GRB10: variants seen among roughly 807,000 people sequenced by gnomAD.
The protein encoded by GRB10 is growth factor receptor bound protein 10, also known as growth factor receptor-bound protein 10.
GRB10 carries 20 observed loss-of-function variants against 80.9 expected under a neutral mutation model. The observed-to-expected ratio is 0.25, with a 90% confidence interval of 0.17 to 0.36. The LOEUF is 0.36. Among genes scored for constraint, GRB10 ranks in the 10% least tolerant of loss-of-function variants. GRB10 has a pLI of 1.00. For missense variants in GRB10, 548 were observed against 747.7 expected (o/e 0.73, Z 3.12); for synonymous variants, 291 against 291.5 (o/e 1.00, Z 0.02).
intron 4 of GRB10, among the ~76,000 whole-genome samples, chr7:50,712,668 C>G (rs1162071231): frequency 1.3e-5 from 2 of 152,242 alleles, no homozygotes; most frequent in African/African-American, 2.4e-5. Flanking sequence ...TTCCACATAA[C>G]TACCTCCAAG....
chr7:50,752,084 A>G (rs2074201588), intron 3 of GRB10, among the ~76,000 whole-genome samples: 1 of 152,222 alleles, frequency 6.6e-6, no homozygotes, highest in Non-Finnish European at 1.5e-5. Flanking sequence ...AGTGGGGAGA[A>G]GCTCATACAA....
At chr7:50,617,539 A>T (rs1205764390) in intron 10 of GRB10, among the ~76,000 whole-genome samples, 1 of 152,184 alleles carries the variant, frequency 6.6e-6, no homozygotes, top group Non-Finnish European at 1.5e-5. Flanking sequence ...GGAGGTGGGG[A>T]GAGACCAGGT....
chr7:50,678,040 T>C (rs1586771917), intron 5 of GRB10, among the ~76,000 whole-genome samples: 3 of 152,330 alleles, frequency 2.0e-5, no homozygotes, highest in Admixed American at 2.0e-4. Flanking sequence ...TGTGCAGTTA[T>C]TTCTCTCTAT....
intron 5 of GRB10, among the ~76,000 whole-genome samples, chr7:50,693,014 C>CA (rs776129543): frequency 1.3e-5 from 2 of 152,130 alleles, no homozygotes; most frequent in Non-Finnish European, 2.9e-5. Flanking sequence ...GCACAGGCCT[C>CA]AAAGTCATCA....
At chr7:50,627,565 T>C (rs565030561) in intron 7 of GRB10, among the ~76,000 whole-genome samples, 1 of 152,216 alleles carries the variant, frequency 6.6e-6, no homozygotes, top group South Asian at 2.1e-4. Context: ...AGTCACAAGA[T>C]TCTTTAGCCC....
upstream of GRB10, among the ~76,000 whole-genome samples, chr7:50,783,384 A>T (rs1383691579): frequency 6.6e-6 from 1 of 151,910 alleles, no homozygotes; most frequent in Non-Finnish European, 1.5e-5. Flanking sequence ...ATACATACCA[A>T]GCATCTGCTA....
chr7:50,646,725 T>TG (rs966866742), intron 7 of GRB10, among the ~76,000 whole-genome samples: 4 of 152,188 alleles, frequency 2.6e-5, no homozygotes, highest in Admixed American at 6.5e-5. Context: ...AGTTTTCACG[T>TG]GAACTTCTCT....
chr7:50,705,226 A>C, intron 4 of GRB10: 1 of 985,858 alleles, frequency 1.0e-6, no homozygotes, highest in South Asian at 4.7e-5. Flanking sequence ...CCCAGGGGAC[A>C]GACTCCAGCA....
rs2045821350 is a variant in GRB10 at position 50,591,305 on chromosome 7, A to G, written c.*1647T>C. 1 of 152,230 alleles carries G rather than the reference A, an allele frequency of 6.6e-6. No individual in the cohort carries two copies. The highest frequency in any genetic ancestry group is 1.5e-5 in the Non-Finnish European group (1 of 68,072). The allele number at this position is 152,230 out of a possible 1,614,324, so 9.4% of individuals were successfully genotyped here. The stretch of plus-strand genomic sequence containing the variant: ...TATACGGTAGACTGACTTCCAGCTG[A>G]CTGGCCTTACTGAAGCTTGTGACAC... On this transcript the variant is annotated 3_prime_UTR_variant, in exon 19 of 19. Coordinates refer to ENST00000401949, the MANE Select transcript of GRB10 (RefSeq NM_001350814.2).
chr7:50,686,577 T>C (rs905374508), intron 5 of GRB10, among the ~76,000 whole-genome samples: 17 of 152,182 alleles, frequency 1.1e-4, no homozygotes, highest in African/African-American at 3.9e-4. Flanking sequence ...GATTTCACAG[T>C]GGGGAGTCAT....
In GRB10 at chr7:50,623,268, T is replaced by C. The variant is rs79149242; in HGVS notation, c.661+3554A>G. ...AACAGGTAGAACCTGGGGGCAGTGC[T>C]AACATAGGAAGGGACCATTTAAAGG... On this transcript the variant is annotated intron_variant, in intron 8 of 18. Transcript: ENST00000401949. Among the ~76,000 whole-genome samples, 111 of 152,326 alleles carry C rather than the reference T, an allele frequency of 7.3e-4. 1 individual carries two copies. The highest frequency in any genetic ancestry group is 2.6e-3 in the African/African-American group (107 of 41,570).
intron 13 of GRB10, among the ~76,000 whole-genome samples, chr7:50,608,965 A>C (rs1440399299): frequency 7.2e-5 from 1 of 13,818 alleles, no homozygotes; most frequent in African/African-American, 1.8e-4. Context: ...ACCCTGACTC[A>C]AAAAAAAAAA....
At position 50,592,797 on chromosome 7, in the gene GRB10, C is replaced by T. The variant is rs1368861320; in HGVS notation, c.*155G>A. On this transcript the variant is annotated 3_prime_UTR_variant, in exon 19 of 19. Coordinates refer to ENST00000401949, the MANE Select transcript of GRB10 (RefSeq NM_001350814.2). The stretch of plus-strand genomic sequence containing the variant: ...GCAGCAAATCGTCGTTTAAGTCCAA[C>T]AAACTAGTCAATCTTGGTCGGCTGG... 1 of 896,294 alleles carries T rather than the reference C, an allele frequency of 1.1e-6. No individual in the cohort carries two copies. The highest frequency in any genetic ancestry group is 2.5e-5 in the East Asian group (1 of 39,696). 55.5% of individuals were successfully genotyped at this position (896,294 alleles called of 1,614,324 possible).
intron 2 of GRB10, chr7:50,762,070 C>G (rs6951356): frequency 0.63 from 95,799 of 151,720 alleles, 32,617 homozygotes; most frequent in Middle Eastern, 0.87. Flanking sequence ...CCAGTCTCAA[C>G]TATTCCTTTG....
intron 7 of GRB10, among the ~76,000 whole-genome samples, chr7:50,633,546 G>A (rs1044686650): frequency 6.6e-6 from 1 of 152,036 alleles, no homozygotes; most frequent in African/African-American, 2.4e-5. Flanking sequence ...TCTAGCAATG[G>A]CTCCTAACCA....
At chr7:50,607,437 T>C (rs2048732641) in intron 13 of GRB10, among the ~76,000 whole-genome samples, 1 of 152,218 alleles carries the variant, frequency 6.6e-6, no homozygotes, top group South Asian at 2.1e-4. Context: ...CTGCTGCTAC[T>C]GTGGCCCCTC....
chr7:50,724,396 A>G (rs1217091503), intron 4 of GRB10, among the ~76,000 whole-genome samples: 1 of 152,258 alleles, frequency 6.6e-6, no homozygotes. Context: ...CTTAAGTTCA[A>G]CATTCAAATT....
intron 4 of GRB10, among the ~76,000 whole-genome samples, chr7:50,706,991 T>C (rs1315719455): frequency 6.6e-6 from 1 of 152,262 alleles, no homozygotes; most frequent in Non-Finnish European, 1.5e-5. Flanking sequence ...AGTAAGTTCA[T>C]TCACATTTGT....
chr7:50,705,284 C>T, intron 4 of GRB10: 1 of 985,834 alleles, frequency 1.0e-6, no homozygotes, highest in Non-Finnish European at 1.2e-6. Context: ...TGTTTGTTCC[C>T]TGGGAGGCAA....
Sources: allele counts gnomAD v4.1 joint callset (sites outside exome capture counted in the v4.1 genomes callset), GRCh38; gene constraint gnomAD v4.1.1; transcripts MANE v1.5; gene names NCBI Gene and HGNC (gene_info 2026-07-23, HGNC 2026-07-21).